The following PIK3C2G variants were observed in gnomAD, a reference collection of about 807,000 sequenced individuals.
The protein encoded by PIK3C2G is phosphatidylinositol-4-phosphate 3-kinase catalytic subunit type 2 gamma.
Under a neutral mutation model 181.1 loss-of-function variants are expected in PIK3C2G, and 168 were observed. The ratio of observed to expected loss-of-function variants is 0.93; its 90% confidence interval spans 0.82 to 1.05. The LOEUF is 1.05. Among genes scored for constraint, PIK3C2G ranks in the 50% least tolerant of loss-of-function variants. PIK3C2G has a pLI of 0.00. For synonymous variants in PIK3C2G, 573 were observed against 592.2 expected (o/e 0.97, Z 0.47); for missense variants, 1,869 against 1,732.8 (o/e 1.08, Z -1.40).
At chr12:18,453,986 C>A (rs1165045955) in intron 18 of PIK3C2G, among the ~76,000 whole-genome samples, 1 of 152,098 alleles carries the variant, frequency 6.6e-6, no homozygotes, top group African/African-American at 2.4e-5. Flanking sequence ...GTTTTAAGTG[C>A]CACATAAATG....
At chr12:18,640,717 A>G (rs901766610) in intron 32 of PIK3C2G, among the ~76,000 whole-genome samples, 163 bp downstream of exon 32, 5 of 152,200 alleles carry the variant, frequency 3.3e-5, no homozygotes, top group African/African-American at 9.6e-5. Context: ...TCTAGATGCT[A>G]TGGGCACTGG....
At chr12:18,266,013 T>TAAAAAAAAAA (rs61315448) in intron 1 of PIK3C2G, among the ~76,000 whole-genome samples, 11 of 61,766 alleles carry the variant, frequency 1.8e-4, no homozygotes, top group Admixed American at 2.7e-4. Flanking sequence ...AGACTTCATC[T>TAAAAAAAAAA]AAAAAAAAAA....
Position 18,472,265 on chromosome 12 carries a change from G to T in PIK3C2G, c.2505-16184G>T, listed in dbSNP as rs535015619. ...TCACTTTTGCTTAACATATCTTTAT[G>T]TTAAAATCATCACATCTTAGAAAGA... On this transcript the variant is annotated intron_variant, in intron 18 of 32. Transcript: ENST00000538779. Among the ~76,000 whole-genome samples the T allele has an allele frequency of 8.5e-5, 13 of 152,180 alleles. No individual in the cohort carries two copies. In the South Asian group the frequency reaches 2.3e-3, roughly 27 times the overall value.
At chr12:18,659,773 G>A in the PIK3C2G span, among the ~76,000 whole-genome samples, 19 of 150,424 alleles carry the variant, frequency 1.3e-4, no homozygotes, top group African/African-American at 2.2e-4. Context: ...TGCTGCACCC[G>A]TTAACTCGTT....
intron 24 of PIK3C2G, among the ~76,000 whole-genome samples, chr12:18,537,265 A>G (rs1363104824): frequency 6.6e-6 from 1 of 152,096 alleles, no homozygotes; most frequent in Non-Finnish European, 1.5e-5. Context: ...TTCCCTCAAT[A>G]ATCCATGACT....
intron 8 of PIK3C2G, among the ~76,000 whole-genome samples, chr12:18,336,527 A>G (rs1027631238): frequency 2.6e-5 from 4 of 152,148 alleles, no homozygotes; most frequent in Non-Finnish European, 5.9e-5. Flanking sequence ...CTAACTTTCT[A>G]GTTATGGAGA....
At chr12:18,605,318 C>T (rs762600457) in intron 30 of PIK3C2G, among the ~76,000 whole-genome samples, 1 of 152,078 alleles carries the variant, frequency 6.6e-6, no homozygotes, top group Non-Finnish European at 1.5e-5. Context: ...AAATACAACC[C>T]TTGTAGCTTA....
upstream of PIK3C2G, among the ~76,000 whole-genome samples, chr12:18,260,861 A>G (rs1484525674): frequency 1.3e-5 from 2 of 152,010 alleles, no homozygotes; most frequent in Non-Finnish European, 2.9e-5. Context: ...GTCTCCACAC[A>G]TTGTTCAATT....
At chr12:18,486,903 A>T in intron 18 of PIK3C2G, among the ~76,000 whole-genome samples, 1 of 152,204 alleles carries the variant, frequency 6.6e-6, no homozygotes, top group African/African-American at 2.4e-5. Flanking sequence ...ATTCACATGC[A>T]TGCAACATGC....
At chr12:18,565,738 AT>A (rs1336988379) in intron 28 of PIK3C2G, among the ~76,000 whole-genome samples, 1 of 152,198 alleles carries the variant, frequency 6.6e-6, no homozygotes, top group African/African-American at 2.4e-5. Flanking sequence ...GTACTCATTT[AT>A]ACATAAGATG....
chr12:18,351,995 A>G (rs73342911), intron 11 of PIK3C2G, among the ~76,000 whole-genome samples: 1,725 of 152,282 alleles, frequency 0.011, 31 homozygotes, highest in African/African-American at 0.04. Flanking sequence ...TTCGCATAAC[A>G]ATAAAATCAC....
the PIK3C2G span, among the ~76,000 whole-genome samples, chr12:18,704,320 G>C: frequency 6.6e-6 from 1 of 152,020 alleles, no homozygotes; most frequent in South Asian, 2.1e-4. Context: ...GTGAGAGGGA[G>C]TAATTCCTTT....
At chr12:18,394,181 A>G (rs964922335) in intron 15 of PIK3C2G, among the ~76,000 whole-genome samples, 1 of 152,102 alleles carries the variant, frequency 6.6e-6, no homozygotes, top group Admixed American at 6.6e-5. Flanking sequence ...AAAGATGCAC[A>G]TTAGGATTAA....
At chr12:18,270,444 T>C (rs149732282) in intron 1 of PIK3C2G, among the ~76,000 whole-genome samples, 2 of 152,250 alleles carry the variant, frequency 1.3e-5, no homozygotes, top group East Asian at 3.9e-4. Flanking sequence ...TTTAGTTTTG[T>C]AGAGTTATGC....
chr12:18,585,916 A>G (rs1377701175), intron 29 of PIK3C2G, among the ~76,000 whole-genome samples: 1 of 152,238 alleles, frequency 6.6e-6, no homozygotes, highest in Non-Finnish European at 1.5e-5. Flanking sequence ...ATGCAATTAC[A>G]TGGAAGTTAA....
chr12:18,467,419 G>C (rs1938007205), intron 18 of PIK3C2G, among the ~76,000 whole-genome samples: 1 of 150,978 alleles, frequency 6.6e-6, no homozygotes. Flanking sequence ...TTTCCCTCTT[G>C]GTACTTGGAA....
chr12:18,451,240 C>G (rs989212510), intron 18 of PIK3C2G, among the ~76,000 whole-genome samples: 5 of 152,164 alleles, frequency 3.3e-5, no homozygotes, highest in Non-Finnish European at 7.3e-5. Flanking sequence ...TTTGTGTCCT[C>G]TCTTATTTCC....
chr12:18,674,183 A>C, the PIK3C2G span, among the ~76,000 whole-genome samples: 1 of 152,196 alleles, frequency 6.6e-6, no homozygotes, highest in African/African-American at 2.4e-5. Flanking sequence ...CTACATTTTA[A>C]ATGCTTTTCC....
At chr12:18,696,125 C>T in the PIK3C2G span, 1 of 1,178,630 alleles carries the variant, frequency 8.5e-7, no homozygotes, top group South Asian at 1.2e-5. Flanking sequence ...CTTCTGCAAA[C>T]AACTCAATAT....
Sources: allele counts gnomAD v4.1 joint callset (sites outside exome capture counted in the v4.1 genomes callset), GRCh38; gene constraint gnomAD v4.1.1; transcripts MANE v1.5; gene names NCBI Gene and HGNC (gene_info 2026-07-23, HGNC 2026-07-21).